HMCN1: variants seen among roughly 807,000 people sequenced by gnomAD.
HMCN1 encodes hemicentin-1.
Under a neutral mutation model 625.9 loss-of-function variants are expected in HMCN1, and 321 were observed. That is an observed-to-expected ratio of 0.51 (90% confidence interval 0.47 to 0.56). The LOEUF (loss-of-function observed/expected upper bound fraction) is 0.56, where lower values mean the gene tolerates loss of function less well. Ranked by LOEUF, HMCN1 falls within the 20% of genes least tolerant of loss-of-function variation. The probability of loss-of-function intolerance (pLI) is 0.00; values close to 1 mark genes in which losing one functional copy is unlikely to be tolerated. For missense variants in HMCN1, 6,588 were observed against 6,887.3 expected, an observed-to-expected ratio of 0.96 and a Z score of 1.54; for synonymous variants, 2,425 against 2,417.6, an observed-to-expected ratio of 1.00 and a Z score of -0.09.
intron 7 of HMCN1, 32 bp from the exon 8 acceptor site, chr1:185,923,358 T>G (rs763958366): frequency 1.3e-6 from 2 of 1,558,966 alleles, no homozygotes; most frequent in East Asian, 4.5e-5. Context: ...TGCTTGTTTC[T>G]TGTAAATGAT....
intron 36 of HMCN1, among the ~76,000 whole-genome samples, chr1:186,032,122 A>G (rs1655493651): frequency 6.6e-6 from 1 of 152,230 alleles, no homozygotes; most frequent in Non-Finnish European, 1.5e-5. Flanking sequence ...CAGAGTTAAC[A>G]GACAACCCAC....
At chr1:185,941,938 A>G (rs1290771242) in intron 11 of HMCN1, among the ~76,000 whole-genome samples, 2 of 152,306 alleles carry the variant, frequency 1.3e-5, no homozygotes, top group Non-Finnish European at 2.9e-5. Context: ...CATGCCTGTT[A>G]TCTCAGCACT....
intron 34 of HMCN1, 103 bp from the exon 35 acceptor site, chr1:186,019,435 CTTT>C: frequency 1.4e-6 from 1 of 707,366 alleles, no homozygotes; most frequent in South Asian, 1.7e-5. Flanking sequence ...TAGGGATTTG[CTTT>C]TTTTTTTTCT....
Position 185,991,937 on chromosome 1 carries a change from C to A in HMCN1, c.3378-1245C>A, listed in dbSNP as rs115689579. On this transcript the variant is annotated intron_variant, in intron 22 of 106. Coordinates refer to ENST00000271588, the MANE Select transcript of HMCN1 (RefSeq NM_031935.3). ...ACCTGTTTCCATGTTCTAATTAGTG[C>A]ATGGTATTGACTGACTGAGGAATTT... Among the ~76,000 whole-genome samples the A allele has an allele frequency of 5.0e-3, 754 of 152,254 alleles. 2 individuals are homozygous for A. Among genetic ancestry groups the A allele is most frequent in the Non-Finnish European group, 9.0e-3 (611 of 68,024 alleles).
At position 185,960,421 on chromosome 1, in the gene HMCN1, G is replaced by A. The variant is rs1009254751; in HGVS notation, c.1829-2097G>A. Reference sequence around the variant, plus strand: ...TGGGATTACAGGCGTGAACCACCATGCCCGGCAATCAGCAGGAATATTCTA... The same window carrying A: ...TGGGATTACAGGCGTGAACCACCATACCCGGCAATCAGCAGGAATATTCTA... On this transcript the variant is annotated intron_variant, in intron 11 of 106. Transcript: ENST00000271588. Among the ~76,000 whole-genome samples the A allele has an allele frequency of 2.6e-5, 4 of 152,092 alleles. No homozygotes were observed. The South Asian group carries it at 8.3e-4, about 32-fold the overall frequency.
intron 103 of HMCN1, among the ~76,000 whole-genome samples, chr1:186,177,757 G>GA (rs1652689929): frequency 2.0e-5 from 3 of 151,960 alleles, no homozygotes; most frequent in South Asian, 2.1e-4. Context: ...TGTCAAAAGA[G>GA]AAAAAACAAG....
intron 25 of HMCN1, 93 bp from the exon 26 acceptor site, chr1:185,999,952 A>G (rs1302226237): frequency 6.9e-6 from 6 of 869,048 alleles, no homozygotes; most frequent in Admixed American, 2.4e-5. Context: ...AATTATTGTC[A>G]TAACAAAAAC....
intron 49 of HMCN1, among the ~76,000 whole-genome samples, chr1:186,067,427 C>G (rs1260190328): frequency 1.3e-5 from 2 of 152,150 alleles, no homozygotes; most frequent in Non-Finnish European, 2.9e-5. Context: ...CTAGTCTCTG[C>G]TTTCACCTGC....
At position 186,003,774 on chromosome 1, in the gene HMCN1, C is replaced by T. The variant is rs140363573; in HGVS notation, c.4405C>T (p.Arg1469Cys). 7.3e-5 allele frequency: 117 copies of T among 1,612,534 alleles called. No individual in the cohort carries two copies. Among genetic ancestry groups the T allele is most frequent in the African/African-American group, 1.1e-4 (8 of 74,846 alleles). ...AAATGAAGTCTCAGTTGTCCTCAAC[C>T]GTGACGTCGCCCTTGAATGCCAGGT... is the stretch of plus-strand genomic sequence containing the variant. Reference protein sequence around the residue: ...FPNEVSVVLNRDVALECQVKG... With the variant: ...FPNEVSVVLNCDVALECQVKG... The change falls in exon 29 of 107, where the codon CGT (arginine) becomes TGT (cysteine). Residue 1469 changes from arginine (R) to cysteine (C), a missense_variant. Arg to Cys is a radical substitution (Grantham distance 180, BLOSUM62 -3). Around this residue, in one of 3 missense-constraint regions of HMCN1, gnomAD observed 4,628 missense variants for 4,853.1 expected, o/e 0.95. Transcript: ENST00000271588.
intron 104 of HMCN1, 146 bp from the exon 105 acceptor site, chr1:186,182,022 A>G (rs768709533): frequency 1.8e-5 from 15 of 811,150 alleles, no homozygotes; most frequent in South Asian, 1.6e-4. Context: ...TTCATAGAAA[A>G]TAGCTCTGAG....
At chr1:186,116,490 G>A (rs951118748) in intron 75 of HMCN1, among the ~76,000 whole-genome samples, 3 of 151,536 alleles carry the variant, frequency 2.0e-5, no homozygotes, top group Admixed American at 6.6e-5. Context: ...ACACATTTAA[G>A]GAGACATGCA....
chr1:186,032,354 A>G (rs1421302420), intron 36 of HMCN1, among the ~76,000 whole-genome samples: 1 of 152,144 alleles, frequency 6.6e-6, no homozygotes, highest in Non-Finnish European at 1.5e-5. Flanking sequence ...TTGAAACCAC[A>G]ATGAGATACC....
In HMCN1 at chr1:186,001,818, G is replaced by C. The variant is rs145988217; in HGVS notation, c.4348+77G>C. ...AAAATAGAGCTGACTATATGAAAAAGTAAAGAGAAAAAGATAAATTGACAG... is the reference window on the plus strand; with the variant it reads ...AAAATAGAGCTGACTATATGAAAAACTAAAGAGAAAAAGATAAATTGACAG... On this transcript the variant is annotated intron_variant, in intron 28 of 106. Coordinates refer to ENST00000271588, the MANE Select transcript of HMCN1 (RefSeq NM_031935.3). The C allele has an allele frequency of 3.4e-4, 405 of 1,201,042 alleles. 1 individual carries two copies. The African/African-American group carries it at 5.2e-3, about 15-fold the overall frequency. The allele number at this position is 1,201,042 out of a possible 1,614,324, so 74.4% of individuals were successfully genotyped here. A position where few individuals can be genotyped will look rare whatever the true frequency, so the allele number is the denominator to read the frequency against.
intron 1 of HMCN1, among the ~76,000 whole-genome samples, chr1:185,833,516 T>A (rs1028929688): frequency 4.6e-5 from 7 of 152,196 alleles, no homozygotes; most frequent in African/African-American, 1.4e-4. Flanking sequence ...TACATTTTTT[T>A]AGTTGATTTT....
chr1:185,788,538 G>A (rs958112276), intron 1 of HMCN1, among the ~76,000 whole-genome samples: 2 of 152,092 alleles, frequency 1.3e-5, no homozygotes, highest in Non-Finnish European at 2.9e-5. Context: ...TTGCCATGTC[G>A]TTTAAATTAG....
At chr1:185,877,321 CTTTTTTTTTTTTTTTTTTT>C (rs71557837) in intron 4 of HMCN1, among the ~76,000 whole-genome samples, 2 of 34,874 alleles carry the variant, frequency 5.7e-5, no homozygotes, top group Non-Finnish European at 1.1e-4. Context: ...ATGTGTCTTT[CTTTTTTTTTTTTTTTTTTT>C]TTTTTTTTTT....
intron 2 of HMCN1, among the ~76,000 whole-genome samples, chr1:185,850,244 T>C: frequency 6.6e-6 from 1 of 152,280 alleles, no homozygotes; most frequent in Middle Eastern, 3.4e-3. Context: ...CAAATATTAT[T>C]TAAACTTTAC....
At chr1:185,848,437 C>T (rs1235405460) in intron 2 of HMCN1, among the ~76,000 whole-genome samples, 1 of 152,094 alleles carries the variant, frequency 6.6e-6, no homozygotes, top group Non-Finnish European at 1.5e-5. Flanking sequence ...TAGGAAACTT[C>T]ATTTCCTTCC....
intron 1 of HMCN1, among the ~76,000 whole-genome samples, chr1:185,797,525 T>C (rs994749476): frequency 9.9e-5 from 15 of 152,234 alleles, no homozygotes; most frequent in African/African-American, 3.6e-4. Flanking sequence ...CAGGCTGGTC[T>C]TGAACTCCTG....
Sources: allele counts gnomAD v4.1 joint callset (sites outside exome capture counted in the v4.1 genomes callset), GRCh38; gene constraint gnomAD v4.1.1; regional missense constraint gnomAD v4.1.1; transcripts MANE v1.5; gene names NCBI Gene and HGNC (gene_info 2026-07-23, HGNC 2026-07-21).